Variants in PLCB1 observed in about 807,000 individuals in gnomAD.
PLCB1 encodes phospholipase C beta 1.
Under a neutral mutation model 161.8 loss-of-function variants are expected in PLCB1, and 46 were observed. The observed-to-expected ratio is 0.28, with a 90% confidence interval of 0.22 to 0.36. The LOEUF (loss-of-function observed/expected upper bound fraction) is 0.36. PLCB1 is among the 10% of genes least tolerant of loss of function. The pLI, the probability that PLCB1 is intolerant of heterozygous loss-of-function variation, is 1.00. For missense variants in PLCB1, 1,016 were observed against 1,472.5 expected (o/e 0.69, Z 5.07); for synonymous variants, 517 against 503.7 (o/e 1.03, Z -0.35).
intron 3 of PLCB1, among the ~76,000 whole-genome samples, chr20:8,533,084 A>G (rs892238683): frequency 2.7e-5 from 4 of 148,074 alleles, no homozygotes; most frequent in Non-Finnish European, 4.4e-5. Context: ...TCATTGTTCA[A>G]TTCCCACCTA....
chr20:8,324,194 G>A (rs912396125), intron 2 of PLCB1, among the ~76,000 whole-genome samples: 20 of 130,160 alleles, frequency 1.5e-4, no homozygotes, highest in Admixed American at 5.1e-4. Context: ...CTCTAAACTG[G>A]TAGGGGTGTG....
At chr20:8,269,770 AT>A (rs1982180440) in intron 2 of PLCB1, among the ~76,000 whole-genome samples, 1 of 152,170 alleles carries the variant, frequency 6.6e-6, no homozygotes, top group South Asian at 2.1e-4. Context: ...TTAATGTTAT[AT>A]TTTGACTTCC....
At chr20:8,407,605 G>T (rs1360125899) in intron 3 of PLCB1, among the ~76,000 whole-genome samples, 1 of 152,168 alleles carries the variant, frequency 6.6e-6, no homozygotes, top group Non-Finnish European at 1.5e-5. Context: ...GCATGGGAAA[G>T]ACAGGCCCCC....
chr20:8,784,941 C>T (rs115834135), intron 27 of PLCB1, among the ~76,000 whole-genome samples: 1,834 of 152,268 alleles, frequency 0.012, 43 homozygotes, highest in African/African-American at 0.041. Context: ...TAAAAGATTT[C>T]ATTCACAATC....
At chr20:8,669,496 T>A (rs1355124296) in intron 9 of PLCB1, among the ~76,000 whole-genome samples, 1 of 152,246 alleles carries the variant, frequency 6.6e-6, no homozygotes, top group Non-Finnish European at 1.5e-5. Flanking sequence ...ATTTGTGACC[T>A]GAATGGAAGC....
intron 14 of PLCB1, among the ~76,000 whole-genome samples, 158 bp from the exon 15 acceptor site, chr20:8,722,196 C>A (rs1010469773): frequency 2.0e-5 from 3 of 151,916 alleles, no homozygotes; most frequent in Middle Eastern, 3.2e-3. Context: ...GTATAATTTT[C>A]TATAACGAAT....
intron 3 of PLCB1, among the ~76,000 whole-genome samples, chr20:8,470,764 A>T (rs1010644091): frequency 1.3e-5 from 2 of 152,122 alleles, no homozygotes; most frequent in Non-Finnish European, 2.9e-5. Context: ...TCTCTTTTGG[A>T]GAAATGTGTA....
chr20:8,215,256 T>C (rs1017719160), intron 2 of PLCB1, among the ~76,000 whole-genome samples: 2 of 152,060 alleles, frequency 1.3e-5, no homozygotes, highest in African/African-American at 4.8e-5. Flanking sequence ...ATCTGCTTCT[T>C]AAATTTCGGA....
At chr20:8,770,375 C>A (rs1387993393) in intron 26 of PLCB1, among the ~76,000 whole-genome samples, 1 of 152,242 alleles carries the variant, frequency 6.6e-6, no homozygotes, top group African/African-American at 2.4e-5. Flanking sequence ...ACAGCCAGTT[C>A]AAGCAAAGCT....
chr20:8,674,508 C>T (rs904638038), intron 9 of PLCB1, among the ~76,000 whole-genome samples: 19 of 152,198 alleles, frequency 1.2e-4, no homozygotes, highest in African/African-American at 4.6e-4. Context: ...CATTGACCAT[C>T]CTTTTCATAA....
chr20:8,844,608 G>A (rs371070600), intron 31 of PLCB1, among the ~76,000 whole-genome samples: 13 of 152,160 alleles, frequency 8.5e-5, no homozygotes, highest in African/African-American at 1.2e-4. Context: ...GGGGAAAGGT[G>A]TGGTGCCCTC....
At chr20:8,417,670 A>C (rs551983422) in intron 3 of PLCB1, among the ~76,000 whole-genome samples, 3 of 152,228 alleles carry the variant, frequency 2.0e-5, no homozygotes, top group Non-Finnish European at 2.9e-5. Flanking sequence ...TATACAATCT[A>C]ATTCTAATCA....
Position 8,546,303 on chromosome 20 carries a change from G to A in PLCB1, c.247-81991G>A, listed in dbSNP as rs1430047175. Among the ~76,000 whole-genome samples, 11 of 105,180 alleles carry A rather than the reference G, an allele frequency of 1.0e-4. No homozygotes were observed. In the South Asian group the frequency reaches 1.8e-3, roughly 17 times the overall value. 69.0% of individuals were successfully genotyped at this position (105,180 alleles called of 152,430 possible). ...ACTCCAGCCTGGATGACAAGAACAA[G>A]ACTCTATCTCAAAAAAAAAAAAAAA... On this transcript the variant is annotated intron_variant, in intron 3 of 31. Coordinates refer to ENST00000338037, the MANE Select transcript of PLCB1 (RefSeq NM_015192.4).
chr20:8,336,159 G>A (rs765413229), intron 2 of PLCB1, among the ~76,000 whole-genome samples: 1 of 152,142 alleles, frequency 6.6e-6, no homozygotes, highest in African/African-American at 2.4e-5. Context: ...AGACTAAAGG[G>A]TAAAAAGGTA....
intron 2 of PLCB1, among the ~76,000 whole-genome samples, chr20:8,334,213 A>C (rs1380306951): frequency 6.6e-6 from 1 of 152,094 alleles, no homozygotes; most frequent in Non-Finnish European, 1.5e-5. Context: ...CCACCTCAAA[A>C]AAAAAAAGAA....
At chr20:8,326,637 A>G (rs773917850) in intron 2 of PLCB1, among the ~76,000 whole-genome samples, 22 of 152,320 alleles carry the variant, frequency 1.4e-4, no homozygotes, top group Non-Finnish European at 2.8e-4. Context: ...ACAAATGCCT[A>G]TTATTAATCA....
At chr20:8,271,159 C>G (rs1982260542) in intron 2 of PLCB1, among the ~76,000 whole-genome samples, 1 of 152,066 alleles carries the variant, frequency 6.6e-6, no homozygotes, top group African/African-American at 2.4e-5. Context: ...ACATCATTCC[C>G]TTAGATGCTT....
chr20:8,441,493 G>C (rs187644011), intron 3 of PLCB1, among the ~76,000 whole-genome samples: 1 of 152,316 alleles, frequency 6.6e-6, no homozygotes, highest in East Asian at 1.9e-4. Context: ...TAAGAAATCT[G>C]ATCGTTGTAA....
chr20:8,634,696 C>G (rs1188327513), intron 4 of PLCB1, among the ~76,000 whole-genome samples: 1 of 152,194 alleles, frequency 6.6e-6, no homozygotes, highest in Admixed American at 6.5e-5. Context: ...TTTTCATTCT[C>G]TATTACCTGC....
Sources: gnomAD v4.1 joint callset for allele counts (sites outside exome capture counted in the v4.1 genomes callset) on GRCh38, gnomAD v4.1.1 for gene constraint, MANE v1.5 for transcripts, NCBI Gene and HGNC (gene_info 2026-07-23, HGNC 2026-07-21) for gene names.